The following MICAL3 variants were observed in gnomAD, a reference collection of about 807,000 sequenced individuals.
The protein encoded by MICAL3 is [F-actin]-monooxygenase MICAL3.
Under a neutral mutation model 207.4 loss-of-function variants are expected in MICAL3, and 62 were observed. The ratio of observed to expected loss-of-function variants is 0.30; its 90% CI spans 0.24 to 0.37. The LOEUF is 0.37. Among genes scored for constraint, MICAL3 ranks in the 10% least tolerant of loss-of-function variants. MICAL3 has a pLI of 1.00. For missense variants in MICAL3, 2,368 were observed against 2,635.6 expected, an observed-to-expected ratio of 0.90 and a Z score of 2.22; for synonymous variants, 1,077 against 1,069.3, an observed-to-expected ratio of 1.01 and a Z score of -0.14.
chr22:17,831,200 C>T (rs542660096), intron 21 of MICAL3, among the ~76,000 whole-genome samples: 9 of 152,344 alleles, frequency 5.9e-5, no homozygotes, highest in Non-Finnish European at 1.2e-4. Context: ...CAGACTTCTG[C>T]GCTGCTGGAG....
chr22:17,977,299 G>A (rs554728619), intron 1 of MICAL3, among the ~76,000 whole-genome samples: 38 of 152,242 alleles, frequency 2.5e-4, no homozygotes, highest in African/African-American at 8.7e-4. Context: ...TAACGGATAG[G>A]GAACTTGTAT....
At chr22:17,814,328 C>T (rs865852534) in intron 27 of MICAL3, 1 of 152,246 alleles carries the variant, frequency 6.6e-6, no homozygotes, top group African/African-American at 2.4e-5. Flanking sequence ...TTTTATATGA[C>T]CTTTTGTAAT....
intron 1 of MICAL3, among the ~76,000 whole-genome samples, chr22:17,916,054 T>C (rs1373458842): frequency 3.2e-4 from 11 of 34,784 alleles, no homozygotes; most frequent in Middle Eastern, 0.031. Flanking sequence ...AGATCCAGTC[T>C]CAAAAAAAAA....
At chr22:17,927,597 C>A (rs1932981363) in intron 1 of MICAL3, among the ~76,000 whole-genome samples, 2 of 152,174 alleles carry the variant, frequency 1.3e-5, no homozygotes, top group South Asian at 4.2e-4. Context: ...GTACTCAGCC[C>A]CCGACATCTG....
At chr22:17,897,855 A>G (rs369717709) in intron 7 of MICAL3, among the ~76,000 whole-genome samples, 5 of 152,310 alleles carry the variant, frequency 3.3e-5, no homozygotes, top group South Asian at 2.1e-4. Context: ...ACCCACAAAG[A>G]AGAACAAAGG....
chr22:17,934,681 G>A lies in MICAL3; in HGVS notation c.-74-27795C>T, dbSNP rs371164357. Among the ~76,000 whole-genome samples, 21 of 152,324 alleles carry A rather than the reference G, an allele frequency of 1.4e-4. No individual in the cohort carries two copies. In the South Asian group the frequency reaches 2.7e-3, roughly 20 times the overall value. ...GGAAGTCAAATTGTCCCCGTTTGCA[G>A]ATGACATGATTGTATATTTAGAAAA... is the stretch of plus-strand genomic sequence containing the variant. On this transcript the variant is annotated intron_variant, in intron 1 of 31. Transcript: ENST00000441493.
At chr22:17,801,622 G>T (rs1192878799) in intron 29 of MICAL3, among the ~76,000 whole-genome samples, 1 of 151,300 alleles carries the variant, frequency 6.6e-6, no homozygotes, top group Admixed American at 6.6e-5. Context: ...GGCTGGGCGC[G>T]GTGGCTCAGG....
intron 1 of MICAL3, among the ~76,000 whole-genome samples, chr22:17,995,711 G>A (rs1342426021): frequency 6.6e-6 from 1 of 151,906 alleles, no homozygotes; most frequent in Non-Finnish European, 1.5e-5. Context: ...GTTTCACCAT[G>A]TTGGCCAGGC....
chr22:17,877,403 T>G (rs946519966), intron 16 of MICAL3, among the ~76,000 whole-genome samples: 25 of 102,438 alleles, frequency 2.4e-4, no homozygotes, highest in Admixed American at 2.8e-4. Flanking sequence ...TTAGGGAGGT[T>G]AGGGAAGTTA....
chr22:17,876,284 A>T (rs1222702146), intron 16 of MICAL3: 1 of 152,230 alleles, frequency 6.6e-6, no homozygotes, highest in Non-Finnish European at 1.5e-5. Context: ...GGCAACCAAT[A>T]ACTGCTTCAT....
Position 17,790,748 on chromosome 22 carries a change from C to G in MICAL3, c.5993G>C (p.Ser1998Thr). ...LEAAMLSKGF[S>T]LNWS The stretch of plus-strand genomic sequence containing the variant: ...GGTGGGAGCTCAGGACCAGTTAAGG[C>G]TGAAGCCCTTGGACAGCATGGCAGC... The change falls in exon 32 of 32, where the codon AGC becomes ACC. Residue 1998 changes from serine (S) to threonine (T), a missense_variant. By Grantham distance (58) the Ser-to-Thr change is moderately conservative. Coordinates refer to ENST00000441493, the MANE Select transcript of MICAL3 (RefSeq NM_015241.3). The G allele has an allele frequency of 6.2e-7, 1 of 1,604,486 alleles. No homozygotes were observed. The highest frequency in any genetic ancestry group is 8.5e-7 in the Non-Finnish European group (1 of 1,175,424).
At chr22:17,893,573 T>C (rs773586316) in intron 11 of MICAL3, among the ~76,000 whole-genome samples, 7 of 152,302 alleles carry the variant, frequency 4.6e-5, no homozygotes, top group South Asian at 2.1e-4. Flanking sequence ...TCTCGTGCAC[T>C]GCGGGATGTT....
In MICAL3 at chr22:17,841,208, C is replaced by CT. The variant is rs1923972671; in HGVS notation, c.2801+613dup. 2 of 154,122 alleles carry CT rather than the reference C, an allele frequency of 1.3e-5. No individual in the cohort carries two copies. The highest frequency in any genetic ancestry group is 4.1e-4 in the South Asian group (2 of 4,908). 9.5% of individuals were successfully genotyped at this position (154,122 alleles called of 1,614,324 possible). Reference sequence around the variant, plus strand: ...TTGATCATCTGTAATCGGCTGAACACTTTGAAGCCTTCGCTGATACTGGAA... The same window carrying CT: ...TTGATCATCTGTAATCGGCTGAACACTTTTGAAGCCTTCGCTGATACTGGAA... On this transcript the variant is annotated intron_variant, in intron 20 of 31. Transcript: ENST00000441493. This position sits in a 1 kb window ranked among gnomAD's most constrained non-coding sequence, Gnocchi z 4.2.
chr22:17,931,461 A>G (rs1206399591), intron 1 of MICAL3, among the ~76,000 whole-genome samples: 4 of 152,214 alleles, frequency 2.6e-5, no homozygotes, highest in Non-Finnish European at 5.9e-5. Context: ...GACAGCTGGG[A>G]GCCCAACGGG....
At chr22:17,897,699 A>C (rs1930973577) in intron 7 of MICAL3, among the ~76,000 whole-genome samples, 1 of 152,182 alleles carries the variant, frequency 6.6e-6, no homozygotes, top group Non-Finnish European at 1.5e-5. Flanking sequence ...AACTCATGAC[A>C]CCCAAAGGAA....
intron 29 of MICAL3, among the ~76,000 whole-genome samples, chr22:17,805,664 A>T (rs1405924715): frequency 6.6e-6 from 1 of 152,254 alleles, no homozygotes; most frequent in African/African-American, 2.4e-5. Flanking sequence ...GGTCTCCCAA[A>T]TACCTGATGT....
chr22:18,000,116 T>G (rs1394639675), intron 1 of MICAL3, among the ~76,000 whole-genome samples: 4 of 152,130 alleles, frequency 2.6e-5, no homozygotes, highest in Non-Finnish European at 5.9e-5. Context: ...TAAAACCCAG[T>G]TCATCCTCAT....
At chr22:17,819,514 G>T (rs1049224306) in intron 25 of MICAL3, among the ~76,000 whole-genome samples, 5 of 152,188 alleles carry the variant, frequency 3.3e-5, no homozygotes, top group African/African-American at 1.2e-4. Context: ...AGGACTGTAA[G>T]AAGACTTACC....
intron 1 of MICAL3, among the ~76,000 whole-genome samples, chr22:17,946,522 C>T (rs1934075068): frequency 6.6e-6 from 1 of 152,118 alleles, no homozygotes; most frequent in African/African-American, 2.4e-5. Flanking sequence ...GTGAGAACAC[C>T]CACCTGCAGC....
Sources: allele counts gnomAD v4.1 joint callset (sites outside exome capture counted in the v4.1 genomes callset), GRCh38; gene constraint gnomAD v4.1.1; non-coding constraint Gnocchi (gnomAD v3.1); transcripts MANE v1.5; gene names NCBI Gene and HGNC (gene_info 2026-07-23, HGNC 2026-07-21).